The following SMAD7 variants were observed in gnomAD, a reference collection of about 807,000 sequenced individuals.
The protein encoded by SMAD7 is MAD (mothers against decapentaplegic, Drosophila) homolog 7.
Under a neutral mutation model 38.7 loss-of-function variants are expected in SMAD7, and 8 were observed. That is an observed-to-expected ratio of 0.21 (90% CI 0.12 to 0.37). SMAD7 has a LOEUF of 0.37. SMAD7 is among the 10% of genes least tolerant of loss of function. The probability of loss-of-function intolerance (pLI) is 1.00; values close to 1 mark genes in which losing one functional copy is unlikely to be tolerated. For synonymous variants in SMAD7, 327 were observed against 265.1 expected (o/e 1.23, Z -2.27); for missense variants, 477 against 577.9 (o/e 0.83, Z 1.79).
Position 48,949,895 on chromosome 18 carries a change from A to C in SMAD7, c.530T>G (p.Leu177Arg). The C allele has an allele frequency of 6.2e-7, 1 of 1,613,790 alleles. No individual in the cohort carries two copies. Among genetic ancestry groups the C allele is most frequent in the Non-Finnish European group, 8.5e-7 (1 of 1,179,896 alleles). ...DLRHSSEVKR[L>R]CCCESYGKIN... ...CTTCCCGTAAGATTCACAGCAACAC[A>C]GCCTCTTGACTTCCGAGGAATGCCT... is the stretch of plus-strand genomic sequence containing the variant. Residue 177 changes from leucine (L) to arginine (R), a missense_variant, in exon 1 of 4, where the codon CTG (leucine) becomes CGG (arginine). By Grantham distance (102) the Leu-to-Arg change is moderately radical. Coordinates refer to ENST00000262158, the MANE Select transcript of SMAD7 (RefSeq NM_005904.4).
chr18:48,941,831 G>A (rs1165665024), intron 3 of SMAD7, among the ~76,000 whole-genome samples: 3 of 152,142 alleles, frequency 2.0e-5, no homozygotes, highest in Admixed American at 2.0e-4. Context: ...AGCCAGCCCC[G>A]TGACCCCCCA....
intron 3 of SMAD7, among the ~76,000 whole-genome samples, chr18:48,925,212 G>A (rs1216947704): frequency 6.6e-6 from 1 of 152,086 alleles, no homozygotes; most frequent in Non-Finnish European, 1.5e-5. Context: ...AACCTTTTCC[G>A]GTATTTTCCA....
intron 2 of SMAD7, among the ~76,000 whole-genome samples, chr18:48,943,795 G>A (rs182015806): frequency 5.9e-5 from 9 of 151,978 alleles, no homozygotes; most frequent in Non-Finnish European, 1.0e-4. Context: ...ATCCTTTAGT[G>A]GCCTACACAT....
intron 3 of SMAD7, among the ~76,000 whole-genome samples, chr18:48,922,392 A>AG (rs35356786): frequency 6.6e-6 from 1 of 152,160 alleles, no homozygotes; most frequent in African/African-American, 2.4e-5. Flanking sequence ...CTGGAGTACC[A>AG]GGGGATGACA....
At position 48,939,948 on chromosome 18, in the gene SMAD7, G is replaced by A. The variant is rs938511343; in HGVS notation, c.742+2533C>T. ...ACACCCAGGCCACCCCCCATGGAAC[G>A]ATCAACTTCTTGAAAAGGAGGAGGT... On this transcript the variant is annotated intron_variant, in intron 3 of 3. Transcript: ENST00000262158. Among the ~76,000 whole-genome samples the A allele has an allele frequency of 4.0e-5, 6 of 150,424 alleles. No individual in the cohort carries two copies. In the Admixed American group the frequency reaches 4.0e-4, roughly 10 times the overall value.
At chr18:48,948,051 C>T (rs1268234006) in intron 2 of SMAD7, among the ~76,000 whole-genome samples, 1 of 152,220 alleles carries the variant, frequency 6.6e-6, no homozygotes, top group Non-Finnish European at 1.5e-5. Flanking sequence ...CACTAAGTCT[C>T]CGAGTTATCC....
intron 2 of SMAD7, among the ~76,000 whole-genome samples, chr18:48,943,038 C>A (rs2070159782): frequency 6.6e-6 from 1 of 152,216 alleles, no homozygotes; most frequent in Admixed American, 6.5e-5. Flanking sequence ...GCCGGGACTT[C>A]TTTCCCCTTT....
At chr18:48,926,747 C>A (rs759156434) in intron 3 of SMAD7, among the ~76,000 whole-genome samples, 1 of 152,202 alleles carries the variant, frequency 6.6e-6, no homozygotes, top group Non-Finnish European at 1.5e-5. Context: ...AGGACCCAGG[C>A]GCCACCAACG....
intron 3 of SMAD7, among the ~76,000 whole-genome samples, chr18:48,940,258 T>C (rs899297927): frequency 6.6e-6 from 1 of 152,214 alleles, no homozygotes; most frequent in Non-Finnish European, 1.5e-5. Flanking sequence ...TCAAAACAAA[T>C]GCTCTTGCCA....
intron 3 of SMAD7, among the ~76,000 whole-genome samples, chr18:48,938,512 C>T (rs2070097312): frequency 6.6e-6 from 1 of 152,214 alleles, no homozygotes. Context: ...TTGCTGGCTT[C>T]CAATCCCTAC....
chr18:48,920,963 A>G lies in SMAD7; in HGVS notation c.*409T>C, dbSNP rs1164332812. The G allele has an allele frequency of 2.2e-5, 4 of 180,622 alleles. No individual in the cohort carries two copies. Among genetic ancestry groups the G allele is most frequent in the African/African-American group, 9.5e-5 (4 of 41,978 alleles). 11.2% of individuals were successfully genotyped at this position (180,622 alleles called of 1,614,324 possible). ...GACATCCATAAGAGACACAAAACAA[A>G]GAGCACGTTGTCTCCCCATCTGCCG... On this transcript the variant is annotated 3_prime_UTR_variant, in exon 4 of 4. Coordinates refer to ENST00000262158, the MANE Select transcript of SMAD7 (RefSeq NM_005904.4).
intron 3 of SMAD7, among the ~76,000 whole-genome samples, chr18:48,924,110 T>C (rs2069897047): frequency 6.6e-6 from 1 of 151,358 alleles, no homozygotes; most frequent in Non-Finnish European, 1.5e-5. Context: ...CCTTTTGGTG[T>C]GGAGGAGGGT....
chr18:48,926,207 G>A (rs1460371171), intron 3 of SMAD7, among the ~76,000 whole-genome samples: 1 of 152,230 alleles, frequency 6.6e-6, no homozygotes, highest in Non-Finnish European at 1.5e-5. Context: ...GGGGTTATGA[G>A]AACACGGGCA....
At chr18:48,929,567 T>TCACACACACACA (rs112497008) in intron 3 of SMAD7, among the ~76,000 whole-genome samples, 202 of 61,766 alleles carry the variant, frequency 3.3e-3, no homozygotes, top group Middle Eastern at 0.027. Context: ...TCTCTCTCTC[T>TCACACACACACA]CTCACTCACA....
intron 3 of SMAD7, chr18:48,933,778 C>T (rs2070031379): frequency 6.6e-6 from 1 of 152,344 alleles, no homozygotes; most frequent in Non-Finnish European, 1.5e-5. Context: ...TGTGGGCACA[C>T]CACCTGCCCA....
intron 3 of SMAD7, among the ~76,000 whole-genome samples, chr18:48,929,567 T>TCACACA (rs112497008): frequency 4.6e-3 from 283 of 61,726 alleles, no homozygotes; most frequent in Non-Finnish European, 0.01. Context: ...TCTCTCTCTC[T>TCACACA]CTCACTCACA....
intron 3 of SMAD7, among the ~76,000 whole-genome samples, chr18:48,927,666 A>G (rs1426565855): frequency 6.6e-6 from 1 of 152,126 alleles, no homozygotes; most frequent in Non-Finnish European, 1.5e-5. Context: ...GCTTGTGGAG[A>G]GTGCTGCACA....
intron 2 of SMAD7, among the ~76,000 whole-genome samples, chr18:48,946,538 G>A (rs551279701): frequency 5.3e-4 from 81 of 152,280 alleles, no homozygotes; most frequent in African/African-American, 1.9e-3. Flanking sequence ...ACACAGCAGC[G>A]CCTTTTCTCA....
intron 2 of SMAD7, among the ~76,000 whole-genome samples, chr18:48,943,710 A>G (rs971333513): frequency 1.3e-5 from 2 of 152,204 alleles, no homozygotes; most frequent in African/African-American, 4.8e-5. Context: ...GTGGGTTTCC[A>G]GTTGGAACCA....
Sources: gnomAD v4.1 joint callset for allele counts (sites outside exome capture counted in the v4.1 genomes callset) on GRCh38, gnomAD v4.1.1 for gene constraint, MANE v1.5 for transcripts, NCBI Gene and HGNC (gene_info 2026-07-23, HGNC 2026-07-21) for gene names.